Variants in RANBP9 observed in about 807,000 individuals in gnomAD.
RANBP9 encodes RAN binding protein 9, also known as ran-binding protein 9.
In RANBP9, 15 loss-of-function variants were observed where a neutral mutation model predicts 84.3. That is an observed-to-expected ratio of 0.18 (90% CI 0.12 to 0.27). RANBP9 has a LOEUF of 0.27. Ranked by LOEUF, RANBP9 falls within the 10% of genes least tolerant of loss-of-function variation. The pLI, the probability that RANBP9 is intolerant of heterozygous loss-of-function variation, is 1.00. For synonymous variants in RANBP9, 392 were observed against 349.6 expected, an observed-to-expected ratio of 1.12 and a Z score of -1.35; for missense variants, 809 against 912.8, an observed-to-expected ratio of 0.89 and a Z score of 1.46.
chr6:13,692,545 A>AC (rs1397611092), intron 2 of RANBP9, among the ~76,000 whole-genome samples: 3 of 147,278 alleles, frequency 2.0e-5, no homozygotes, highest in African/African-American at 7.5e-5. Flanking sequence ...AAAAAAAAAA[A>AC]AAAAAAAAAC....
intron 2 of RANBP9, among the ~76,000 whole-genome samples, chr6:13,666,600 CAAAAAAAAAAAAAAAA>C (rs70989878): frequency 6.9e-5 from 3 of 43,670 alleles, no homozygotes; most frequent in Non-Finnish European, 8.6e-5. Flanking sequence ...CCCGTCTCTC[CAAAAAAAAAAAAAAAA>C]AAAAAAAAAA....
intron 12 of RANBP9, among the ~76,000 whole-genome samples, chr6:13,630,351 TATA>T (rs1036411323): frequency 6.6e-6 from 1 of 152,182 alleles, no homozygotes; most frequent in African/African-American, 2.4e-5. Flanking sequence ...GAATTGGCCA[TATA>T]ATGCCATCTT....
chr6:13,696,563 T>C (rs1326586642), intron 2 of RANBP9, among the ~76,000 whole-genome samples: 1 of 152,206 alleles, frequency 6.6e-6, no homozygotes, highest in Non-Finnish European at 1.5e-5. Flanking sequence ...TCCATTTTAA[T>C]AATAAACCTA....
rs551541904 is a variant in RANBP9, at chr6:13,652,596, G to C, written c.927+63C>G. On this transcript the variant is annotated intron_variant, in intron 5 of 13. Transcript: ENST00000011619. ...ATTTTAAACTTTCTAAATATGCCCAGTATCAGTTTCTTTATACTTCCTGTA... is the reference window on the plus strand; with the variant it reads ...ATTTTAAACTTTCTAAATATGCCCACTATCAGTTTCTTTATACTTCCTGTA... 4 of 1,392,370 alleles carry C rather than the reference G, an allele frequency of 2.9e-6. No individual in the cohort carries two copies. The Admixed American group carries it at 8.0e-5, about 28-fold the overall frequency. The allele number at this position is 1,392,370 out of a possible 1,614,324, so 86.3% of individuals were successfully genotyped here. A position where few individuals can be genotyped will look rare whatever the true frequency, so the allele number is the denominator to read the frequency against.
intron 12 of RANBP9, among the ~76,000 whole-genome samples, chr6:13,629,231 C>T (rs1562295972): frequency 6.6e-6 from 1 of 152,200 alleles, no homozygotes; most frequent in Non-Finnish European, 1.5e-5. Context: ...CTGCCTCAGC[C>T]TCCCAAAGTG....
chr6:13,651,515 C>A (rs1485800943), intron 5 of RANBP9, among the ~76,000 whole-genome samples: 1 of 151,974 alleles, frequency 6.6e-6, no homozygotes, highest in Non-Finnish European at 1.5e-5. Context: ...CTGCCTCAGC[C>A]TCCTGAGTAG....
At chr6:13,674,104 T>G (rs1331902893) in intron 2 of RANBP9, among the ~76,000 whole-genome samples, 1 of 150,760 alleles carries the variant, frequency 6.6e-6, no homozygotes, top group African/African-American at 2.4e-5. Flanking sequence ...AAAAAGTACA[T>G]TTTAAAATAA....
intron 1 of RANBP9, among the ~76,000 whole-genome samples, chr6:13,703,092 A>T (rs1758015462): frequency 6.6e-6 from 1 of 152,190 alleles, no homozygotes; most frequent in Admixed American, 6.5e-5. Context: ...CGCTGGCTAC[A>T]GCCTCAACTT....
chr6:13,667,151 A>G (rs1765669084), intron 2 of RANBP9, among the ~76,000 whole-genome samples: 1 of 152,190 alleles, frequency 6.6e-6, no homozygotes, highest in Non-Finnish European at 1.5e-5. Context: ...ATCATCACAA[A>G]TTATGCATTT....
At chr6:13,684,492 T>TA (rs750352322) in intron 2 of RANBP9, among the ~76,000 whole-genome samples, 11 of 152,212 alleles carry the variant, frequency 7.2e-5, no homozygotes, top group Admixed American at 4.6e-4. Context: ...ACCTAACCTA[T>TA]AGTTTCCCAT....
intron 2 of RANBP9, among the ~76,000 whole-genome samples, chr6:13,676,542 C>T (rs1765889420): frequency 6.6e-6 from 1 of 151,968 alleles, no homozygotes; most frequent in South Asian, 2.1e-4. Context: ...AACACAGATG[C>T]AAATATCCTC....
At chr6:13,706,465 C>A (rs1001431414) in intron 1 of RANBP9, among the ~76,000 whole-genome samples, 4 of 152,184 alleles carry the variant, frequency 2.6e-5, no homozygotes, top group African/African-American at 9.7e-5. Flanking sequence ...GAGGGCGAGG[C>A]GGGCAGATCA....
intron 2 of RANBP9, among the ~76,000 whole-genome samples, chr6:13,684,054 C>T (rs1245693932): frequency 6.6e-6 from 1 of 152,148 alleles, no homozygotes; most frequent in Non-Finnish European, 1.5e-5. Flanking sequence ...TAAATATTGA[C>T]TATCTATACT....
Position 13,622,427 on chromosome 6 carries a change from C to G in RANBP9, c.2125G>C (p.Gly709Arg). The stretch of plus-strand genomic sequence containing the variant: ...CCAATTCCTGATCGAGCCATCAGTC[C>G]TAGACATTGTGTGGCCTGTCCCATT... ...LAMGQATQCLGLMARSGIGSC... is the reference protein window; with the variant it reads ...LAMGQATQCLRLMARSGIGSC... The change falls in exon 14 of 14, where the codon GGA becomes CGA. Residue 709 changes from glycine to arginine, a missense_variant. Physicochemically the swap from Gly to Arg is moderately radical, Grantham distance 125. Coordinates refer to ENST00000011619, the MANE Select transcript of RANBP9 (RefSeq NM_005493.3). The G allele has an allele frequency of 6.2e-7, 1 of 1,607,742 alleles. No individual in the cohort carries two copies. The highest frequency in any genetic ancestry group is 8.5e-7 in the Non-Finnish European group (1 of 1,176,928).
intron 12 of RANBP9, among the ~76,000 whole-genome samples, chr6:13,629,694 T>C (rs77625426): frequency 2.6e-5 from 4 of 152,160 alleles, no homozygotes; most frequent in Non-Finnish European, 5.9e-5. Flanking sequence ...ACTGCAAAAA[T>C]TCAATAAACA....
chr6:13,685,726 G>A (rs1049753355), intron 2 of RANBP9, among the ~76,000 whole-genome samples: 6 of 152,166 alleles, frequency 3.9e-5, no homozygotes, highest in African/African-American at 1.4e-4. Context: ...TCAAGAGATC[G>A]AGACCATCCT....
At chr6:13,680,260 C>G (rs970164501) in intron 2 of RANBP9, among the ~76,000 whole-genome samples, 2 of 152,068 alleles carry the variant, frequency 1.3e-5, no homozygotes, top group Admixed American at 1.3e-4. Flanking sequence ...AACCATCATA[C>G]GAAAAAACTT....
chr6:13,665,246 G>C (rs1765620436), intron 2 of RANBP9, among the ~76,000 whole-genome samples: 1 of 152,044 alleles, frequency 6.6e-6, no homozygotes, highest in African/African-American at 2.4e-5. Context: ...CCATAAAAGA[G>C]TAAACTCATA....
chr6:13,710,833 GC>G, intron 1 of RANBP9, 101 bp downstream of exon 1: 1 of 1,317,584 alleles, frequency 7.6e-7, no homozygotes, highest in South Asian at 1.4e-5. Flanking sequence ...CGAGGGCAGA[GC>G]CCGCGAGGGC....
Sources: gnomAD v4.1 joint callset for allele counts (sites outside exome capture counted in the v4.1 genomes callset) on GRCh38, gnomAD v4.1.1 for gene constraint, MANE v1.5 for transcripts, NCBI Gene and HGNC (gene_info 2026-07-23, HGNC 2026-07-21) for gene names.